PTPRC: variants seen among roughly 807,000 people sequenced by gnomAD.
PTPRC encodes the protein receptor-type tyrosine-protein phosphatase C.
In PTPRC, 44 loss-of-function variants were observed where a neutral mutation model predicts 155.9. That is an observed-to-expected ratio of 0.28 (90% confidence interval 0.22 to 0.36). The LOEUF is 0.36. Among genes scored for constraint, PTPRC ranks in the 10% least tolerant of loss-of-function variants. PTPRC has a pLI of 1.00. For synonymous variants in PTPRC, 525 were observed against 533.1 expected, an observed-to-expected ratio of 0.98 and a Z score of 0.21; for missense variants, 1,401 against 1,564.6, an observed-to-expected ratio of 0.90 and a Z score of 1.76.
intron 14 of PTPRC, 48 bp downstream of exon 14, chr1:198,718,350 G>T: frequency 2.1e-6 from 3 of 1,430,518 alleles, no homozygotes; most frequent in South Asian, 1.2e-5. Flanking sequence ...ACATTATAAT[G>T]ATTGATTCAT....
chr1:198,680,973 G>T (rs969603694), intron 2 of PTPRC, among the ~76,000 whole-genome samples: 2 of 152,062 alleles, frequency 1.3e-5, no homozygotes, highest in Non-Finnish European at 2.9e-5. Flanking sequence ...TCTTCCTTTT[G>T]TCCTTTATAA....
At chr1:198,714,777 A>C (rs1653490487) in intron 12 of PTPRC, among the ~76,000 whole-genome samples, 1 of 152,198 alleles carries the variant, frequency 6.6e-6, no homozygotes, top group Non-Finnish European at 1.5e-5. Context: ...ATTTTAAATA[A>C]AATTACTATT....
intron 32 of PTPRC, among the ~76,000 whole-genome samples, chr1:198,755,612 G>A (rs532579257): frequency 6.6e-6 from 1 of 152,058 alleles, no homozygotes; most frequent in Non-Finnish European, 1.5e-5. Context: ...TAGACAGGAG[G>A]ATAAGTACAA....
chr1:198,749,111 T>C (rs1012130663), intron 27 of PTPRC, among the ~76,000 whole-genome samples: 3 of 151,814 alleles, frequency 2.0e-5, no homozygotes, highest in African/African-American at 7.2e-5. Context: ...ATTATAATAG[T>C]CCATGGGAAA....
In PTPRC at chr1:198,715,811, T is replaced by A. The variant is rs537933649; in HGVS notation, c.1292-871T>A. 2.6e-5 allele frequency among the ~76,000 whole-genome samples: 4 copies of A among 152,304 alleles called. No individual in the cohort carries two copies. In the South Asian group the frequency reaches 8.3e-4, roughly 32 times the overall value. Reference sequence around the variant, plus strand: ...GGCACATACAGTGAGTTATTATTTTTAAAAATCGTTATTGATATTATTATT... The same window carrying A: ...GGCACATACAGTGAGTTATTATTTTAAAAAATCGTTATTGATATTATTATT... On this transcript the variant is annotated intron_variant, in intron 12 of 32. Transcript: ENST00000442510.
chr1:198,722,519 T>C (rs1653942502), intron 15 of PTPRC, 43 bp downstream of exon 15: 1 of 1,092,330 alleles, frequency 9.2e-7, no homozygotes, highest in Non-Finnish European at 1.2e-6. Context: ...TTAAGATATA[T>C]ATTAATGCTT....
At chr1:198,671,645 T>C (rs536030415) in intron 2 of PTPRC, among the ~76,000 whole-genome samples, 5 of 152,356 alleles carry the variant, frequency 3.3e-5, no homozygotes, top group African/African-American at 1.2e-4. Flanking sequence ...CACTAGACAC[T>C]TCCAACTAGT....
At position 198,749,183 on chromosome 1, in the gene PTPRC, T is replaced by C. The variant is rs114481700; in HGVS notation, c.2939-233T>C. Among the ~76,000 whole-genome samples the C allele has an allele frequency of 0.016, 2,504 of 151,844 alleles. 65 individuals are homozygous for C. Among genetic ancestry groups the C allele is most frequent in the African/African-American group, 0.055 (2,286 of 41,486 alleles). On this transcript the variant is annotated intron_variant, in intron 27 of 32. Coordinates refer to ENST00000442510, the MANE Select transcript of PTPRC (RefSeq NM_002838.5). ...TAATGATATGATATCTCTTTGTTGTTTGACATGGAATTATGTTCCATGTTT... is the reference window on the plus strand; with the variant it reads ...TAATGATATGATATCTCTTTGTTGTCTGACATGGAATTATGTTCCATGTTT...
chr1:198,701,923 T>C (rs1346587012), intron 5 of PTPRC, among the ~76,000 whole-genome samples: 2 of 152,196 alleles, frequency 1.3e-5, no homozygotes, highest in Non-Finnish European at 2.9e-5. Flanking sequence ...CAGGGATCCC[T>C]CCCCAGAGAG....
At chr1:198,707,322 T>C (rs866982363) in intron 9 of PTPRC, among the ~76,000 whole-genome samples, 1 of 152,150 alleles carries the variant, frequency 6.6e-6, no homozygotes, top group Non-Finnish European at 1.5e-5. Context: ...TTATCTGAAA[T>C]ATATTAGGGA....
chr1:198,697,500 C>T (rs1666259993), intron 4 of PTPRC, among the ~76,000 whole-genome samples: 1 of 152,002 alleles, frequency 6.6e-6, no homozygotes, highest in African/African-American at 2.4e-5. Context: ...AGCCATGTTC[C>T]CGGGAAAAAT....
intron 2 of PTPRC, among the ~76,000 whole-genome samples, chr1:198,643,635 T>C (rs1662769047): frequency 6.6e-6 from 1 of 151,960 alleles, no homozygotes; most frequent in Non-Finnish European, 1.5e-5. Flanking sequence ...TAAAAGTTCA[T>C]AGTTTGAGAA....
At chr1:198,703,797 T>C (rs1666590827) in intron 7 of PTPRC, 1 of 213,858 alleles carries the variant, frequency 4.7e-6, no homozygotes, top group Admixed American at 5.3e-5. Flanking sequence ...GCAATGGTGG[T>C]ATCTGTGAAT....
chr1:198,674,369 T>C (rs909459933), intron 2 of PTPRC, among the ~76,000 whole-genome samples: 1 of 152,122 alleles, frequency 6.6e-6, no homozygotes, highest in African/African-American at 2.4e-5. Flanking sequence ...AGCTTTATTA[T>C]ATTTTTTAAA....
Position 198,668,727 on chromosome 1 carries a change from T to C in PTPRC, c.74-23620T>C, listed in dbSNP as rs947694983. ...GATAAGGAATTAGGTAGGTTCTGTA[T>C]AAGGAAAGGTGATTTCAGATCCCAA... On this transcript the variant is annotated intron_variant, in intron 2 of 32. Coordinates refer to ENST00000442510, the MANE Select transcript of PTPRC (RefSeq NM_002838.5). Among the ~76,000 whole-genome samples, 7 of 152,318 alleles carry C rather than the reference T, an allele frequency of 4.6e-5. No homozygotes were observed. In the South Asian group the frequency reaches 8.3e-4, roughly 18 times the overall value.
intron 9 of PTPRC, 150 bp from the exon 10 acceptor site, chr1:198,707,983 A>G (rs1295911195): frequency 1.6e-6 from 1 of 611,882 alleles, no homozygotes; most frequent in Non-Finnish European, 2.8e-6. Flanking sequence ...TAGAGTTATT[A>G]GACTTTTCCC....
chr1:198,708,354 C>T (rs1412665094), intron 10 of PTPRC, 93 bp downstream of exon 10: 2 of 1,233,568 alleles, frequency 1.6e-6, no homozygotes, highest in East Asian at 2.5e-5. Context: ...TTCTCTCTTC[C>T]TCCCTGCCTC....
chr1:198,688,729 T>C (rs562411300), intron 2 of PTPRC, among the ~76,000 whole-genome samples: 94 of 152,216 alleles, frequency 6.2e-4, no homozygotes, highest in Non-Finnish European at 1.0e-3. Flanking sequence ...GATGCATTTT[T>C]ACTTAGCTCA....
intron 2 of PTPRC, among the ~76,000 whole-genome samples, chr1:198,652,989 G>C (rs567992886): frequency 1.3e-5 from 2 of 151,680 alleles, no homozygotes; most frequent in Non-Finnish European, 2.9e-5. Flanking sequence ...TACTTCAAAG[G>C]CAAGAAAATA....
Sources: gnomAD v4.1 joint callset for allele counts (sites outside exome capture counted in the v4.1 genomes callset) on GRCh38, gnomAD v4.1.1 for gene constraint, MANE v1.5 for transcripts, NCBI Gene and HGNC (gene_info 2026-07-23, HGNC 2026-07-21) for gene names.